Variants in MKLN1 observed in about 807,000 individuals in gnomAD.
MKLN1 encodes the protein muskelin.
A neutral mutation model predicts 99.0 loss-of-function variants in MKLN1; 18 were observed. That is an observed-to-expected ratio of 0.18 (90% CI 0.13 to 0.27). The LOEUF (loss-of-function observed/expected upper bound fraction) is 0.27, where lower values mean the gene tolerates loss of function less well. Among genes scored for constraint, MKLN1 ranks in the 10% least tolerant of loss-of-function variants. The probability of loss-of-function intolerance (pLI) is 1.00; values close to 1 mark genes in which losing one functional copy is unlikely to be tolerated. For missense variants in MKLN1, 621 were observed against 875.9 expected, an observed-to-expected ratio of 0.71 and a Z score of 3.67; for synonymous variants, 288 against 293.2, an observed-to-expected ratio of 0.98 and a Z score of 0.18.
chr7:131,281,645 A>G (rs972666608), intron 3 of MKLN1, among the ~76,000 whole-genome samples: 2 of 151,692 alleles, frequency 1.3e-5, no homozygotes, highest in African/African-American at 2.4e-5. Flanking sequence ...TAGAAATACA[A>G]TTGATTTTTG....
rs1471503296 is a variant in MKLN1, at chr7:131,487,586, T to G, written c.2087-21T>G. The G allele has an allele frequency of 6.2e-7, 1 of 1,608,646 alleles. No homozygotes were observed. Among genetic ancestry groups the G allele is most frequent in the South Asian group, 1.1e-5 (1 of 90,360 alleles). ...ACATGTTTTAAACACAATGGATGTT[T>G]CTTTGTATCTTCTTCACCAGGCTTT... is the stretch of plus-strand genomic sequence containing the variant. On this transcript the variant is annotated intron_variant, in intron 17 of 17. Transcript: ENST00000352689. This position sits in a 1 kb window ranked among gnomAD's most constrained non-coding sequence, Gnocchi z 4.7.
chr7:131,415,117 T>G lies in MKLN1; in HGVS notation c.847+407T>G, dbSNP rs773150653. On this transcript the variant is annotated intron_variant, in intron 8 of 17. Transcript: ENST00000352689. ...AGTTGTTGTTTTTTGTTTGGTTTTG[T>G]TTTTTTTTTTCCTGTCTTTTAAATT... Among the ~76,000 whole-genome samples the G allele has an allele frequency of 8.6e-4, 125 of 145,192 alleles. 1 individual carries two copies. Among genetic ancestry groups the G allele is most frequent in the Non-Finnish European group, 1.6e-3 (102 of 65,786 alleles).
chr7:131,483,808 C>T (rs1797191599), intron 17 of MKLN1, among the ~76,000 whole-genome samples: 1 of 152,224 alleles, frequency 6.6e-6, no homozygotes, highest in African/African-American at 2.4e-5. Flanking sequence ...GGGACGTGTG[C>T]ATATGGTAAC....
intron 1 of MKLN1, among the ~76,000 whole-genome samples, chr7:131,351,024 C>T (rs1003270035): frequency 3.3e-5 from 5 of 152,102 alleles, no homozygotes; most frequent in Non-Finnish European, 5.9e-5. Context: ...ATAGTGTGTT[C>T]GAATCAGGAT....
At chr7:131,427,321 C>A (rs985130480) in intron 8 of MKLN1, among the ~76,000 whole-genome samples, 1 of 152,170 alleles carries the variant, frequency 6.6e-6, no homozygotes, top group African/African-American at 2.4e-5. Flanking sequence ...AAATAGTCTT[C>A]TAGCATTTCC....
chr7:131,418,239 G>C (rs1795080883), intron 8 of MKLN1, among the ~76,000 whole-genome samples: 1 of 151,994 alleles, frequency 6.6e-6, no homozygotes, highest in Non-Finnish European at 1.5e-5. Context: ...CATGGTGGCA[G>C]GTGCCTGTAA....
chr7:131,116,190 T>TGGTGGTGGG (rs900815702), intron 1 of MKLN1, among the ~76,000 whole-genome samples: 19 of 151,176 alleles, frequency 1.3e-4, no homozygotes, highest in African/African-American at 4.6e-4. Flanking sequence ...ATATAATGAA[T>TGGTGGTGGG]ATATATATAT....
rs192979633 is a variant in MKLN1, at chr7:131,116,930, A to G, written c.-419+6723A>G. Among the ~76,000 whole-genome samples, 18 of 152,228 alleles carry G rather than the reference A, an allele frequency of 1.2e-4. No individual in the cohort carries two copies. The East Asian group carries it at 1.9e-3, about 16-fold the overall frequency. ...GGGAGTGAAAGTGGGTATCACGTCT[A>G]TGGAGGGCAATCTGGCAACATTTAT... On this transcript the variant is annotated intron_variant, in intron 1 of 7. Coordinates refer to the MKLN1 transcript ENST00000416992.
intron 3 of MKLN1, among the ~76,000 whole-genome samples, chr7:131,257,003 G>A (rs547668982): frequency 1.2e-4 from 19 of 152,192 alleles, no homozygotes; most frequent in African/African-American, 3.9e-4. Context: ...CTTTATATAA[G>A]CTCTATACAT....
chr7:131,295,732 T>C (rs1007027778), intron 3 of MKLN1, among the ~76,000 whole-genome samples: 2 of 151,578 alleles, frequency 1.3e-5, no homozygotes, highest in African/African-American at 4.8e-5. Flanking sequence ...AAAAATAAAA[T>C]AAATTAACTG....
intron 2 of MKLN1, among the ~76,000 whole-genome samples, chr7:131,159,744 T>G (rs1163649953): frequency 6.6e-6 from 1 of 152,192 alleles, no homozygotes; most frequent in Admixed American, 6.5e-5. Context: ...CCCAACAATA[T>G]GTACGACTAT....
At chr7:131,400,518 A>AAAAAAATAT (rs527702723) in intron 6 of MKLN1, among the ~76,000 whole-genome samples, 36 of 137,430 alleles carry the variant, frequency 2.6e-4, no homozygotes, top group East Asian at 6.3e-4. Flanking sequence ...ATAAAAAAAA[A>AAAAAAATAT]ATATATATAT....
At chr7:131,186,036 A>C (rs756241067) in intron 2 of MKLN1, among the ~76,000 whole-genome samples, 26 of 151,904 alleles carry the variant, frequency 1.7e-4, no homozygotes, top group South Asian at 4.1e-4. Context: ...ACTAAAAAAA[A>C]CAAAAATTAG....
At chr7:131,273,932 C>G (rs1035881956) in intron 3 of MKLN1, among the ~76,000 whole-genome samples, 1 of 152,244 alleles carries the variant, frequency 6.6e-6, no homozygotes, top group East Asian at 1.9e-4. Context: ...CTATCTTGTT[C>G]ATCAATTCAC....
At chr7:131,363,012 A>G (rs1800075754) in intron 1 of MKLN1, among the ~76,000 whole-genome samples, 1 of 152,050 alleles carries the variant, frequency 6.6e-6, no homozygotes, top group Admixed American at 6.6e-5. Context: ...GAAATAATTA[A>G]CAATTTTCAT....
chr7:131,329,865 G>A (rs542754383), intron 1 of MKLN1, among the ~76,000 whole-genome samples: 2 of 152,302 alleles, frequency 1.3e-5, no homozygotes. Flanking sequence ...ATTTTCTCAA[G>A]TACATACATA....
chr7:131,317,587 T>C (rs1693591971), intron 3 of MKLN1, among the ~76,000 whole-genome samples: 1 of 151,816 alleles, frequency 6.6e-6, no homozygotes, highest in African/African-American at 2.4e-5. Flanking sequence ...GATGACAGGA[T>C]CAAATTCACA....
intron 3 of MKLN1, among the ~76,000 whole-genome samples, chr7:131,308,865 G>A (rs537890362): frequency 8.5e-5 from 13 of 152,300 alleles, no homozygotes; most frequent in East Asian, 3.9e-4. Flanking sequence ...GATTACAGGC[G>A]TGAGCCACCA....
intron 3 of MKLN1, among the ~76,000 whole-genome samples, chr7:131,273,926 C>T (rs1797924005): frequency 6.6e-6 from 1 of 152,152 alleles, no homozygotes. Flanking sequence ...ATATCACTAT[C>T]TTGTTCATCA....
Sources: gnomAD v4.1 joint callset for allele counts (sites outside exome capture counted in the v4.1 genomes callset) on GRCh38, gnomAD v4.1.1 for gene constraint, Gnocchi (gnomAD v3.1) non-coding constraint, MANE v1.5 for transcripts, NCBI Gene and HGNC (gene_info 2026-07-23, HGNC 2026-07-21) for gene names.